SORCS3: variants seen among roughly 807,000 people sequenced by gnomAD.
The protein encoded by SORCS3 is sortilin related VPS10 domain containing receptor 3, also known as VPS10 domain-containing receptor SorCS3.
In SORCS3, 57 loss-of-function variants were observed where a neutral mutation model predicts 146.3. The observed-to-expected ratio is 0.39, with a 90% CI of 0.31 to 0.49. The LOEUF (loss-of-function observed/expected upper bound fraction) is 0.49. Among genes scored for constraint, SORCS3 ranks in the 20% least tolerant of loss-of-function variants. The pLI is 0.92. For synonymous variants in SORCS3, 653 were observed against 618.5 expected (o/e 1.06, Z -0.83); for missense variants, 1,341 against 1,575.5 (o/e 0.85, Z 2.52).
At chr10:104,892,777 T>C (rs1189543096) in intron 2 of SORCS3, among the ~76,000 whole-genome samples, 1 of 152,110 alleles carries the variant, frequency 6.6e-6, no homozygotes, top group East Asian at 1.9e-4. Context: ...ACTTAATACA[T>C]GTGAGTTCTT....
intron 4 of SORCS3, among the ~76,000 whole-genome samples, chr10:105,007,634 T>G (rs894767631): frequency 2.6e-5 from 4 of 151,930 alleles, no homozygotes; most frequent in Non-Finnish European, 5.9e-5. Context: ...TTGCAGACCG[T>G]TTTTTCTGAA....
At chr10:105,147,573 G>A (rs763019500) in intron 8 of SORCS3, 44 bp from the exon 9 acceptor site, 1 of 1,546,584 alleles carries the variant, frequency 6.5e-7, no homozygotes, top group Admixed American at 1.8e-5. Context: ...TGGGCAGAGA[G>A]ATATGGAGAT....
intron 5 of SORCS3, among the ~76,000 whole-genome samples, chr10:105,077,749 A>G (rs1395922200): frequency 6.6e-6 from 1 of 152,170 alleles, no homozygotes; most frequent in Non-Finnish European, 1.5e-5. Context: ...GGTCTCGTAA[A>G]CCAATCCTAA....
intron 14 of SORCS3, among the ~76,000 whole-genome samples, chr10:105,198,135 C>T (rs896594541): frequency 6.6e-6 from 1 of 152,178 alleles, no homozygotes. Flanking sequence ...ATGTGCTTCA[C>T]ATTTTCCTCT....
chr10:105,021,919 C>T (rs577775799), intron 4 of SORCS3, among the ~76,000 whole-genome samples: 8 of 152,152 alleles, frequency 5.3e-5, no homozygotes, highest in Non-Finnish European at 1.0e-4. Context: ...ACTTAAAATG[C>T]GTATTGCTAA....
intron 9 of SORCS3, among the ~76,000 whole-genome samples, chr10:105,156,065 C>T (rs1284834947): frequency 2.6e-5 from 4 of 152,176 alleles, no homozygotes; most frequent in African/African-American, 4.8e-5. Context: ...GCATTCTCTC[C>T]GAAGTGAGTA....
intron 5 of SORCS3, among the ~76,000 whole-genome samples, chr10:105,055,120 T>G (rs74157403): frequency 0.028 from 4,322 of 152,270 alleles, 198 homozygotes; most frequent in African/African-American, 0.097. Context: ...TAGTAAAGTT[T>G]TCTTCATATT....
At chr10:104,942,998 T>C (rs957142358) in intron 3 of SORCS3, among the ~76,000 whole-genome samples, 4 of 152,140 alleles carry the variant, frequency 2.6e-5, no homozygotes, top group Non-Finnish European at 5.9e-5. Context: ...GGAAAAGAAA[T>C]AACAACTGTG....
At chr10:104,931,489 C>T (rs61867347) in intron 3 of SORCS3, among the ~76,000 whole-genome samples, 1 of 151,936 alleles carries the variant, frequency 6.6e-6, no homozygotes, top group African/African-American at 2.4e-5. Context: ...TAAATAAGAC[C>T]TTTAAGGCTA....
chr10:105,204,158 T>C (rs945450977), intron 16 of SORCS3, among the ~76,000 whole-genome samples: 1 of 152,146 alleles, frequency 6.6e-6, no homozygotes, highest in African/African-American at 2.4e-5. Flanking sequence ...TCCAAGACGC[T>C]GTAATGTCAG....
chr10:104,734,365 G>C lies in SORCS3; in HGVS notation c.627+92411G>C, dbSNP rs2016744249. ...TAAGGGGGCCTGGAGCTCTAGAAGA[G>C]AGCAAAGGGCAGAGAAAGCAACAGC... On this transcript the variant is annotated intron_variant, in intron 1 of 26. Coordinates refer to ENST00000369701, the MANE Select transcript of SORCS3 (RefSeq NM_014978.3). Among the ~76,000 whole-genome samples, 4 of 152,218 alleles carry C rather than the reference G, an allele frequency of 2.6e-5. No individual in the cohort carries two copies. The South Asian group carries it at 8.3e-4, about 32-fold the overall frequency.
intron 2 of SORCS3, among the ~76,000 whole-genome samples, chr10:104,885,674 T>C (rs1490114163): frequency 6.6e-6 from 1 of 152,200 alleles, no homozygotes; most frequent in African/African-American, 2.4e-5. Flanking sequence ...ATCCTACTTA[T>C]GTGAATATGT....
chr10:104,791,856 A>G (rs1444326562), intron 1 of SORCS3, among the ~76,000 whole-genome samples: 2 of 152,140 alleles, frequency 1.3e-5, no homozygotes, highest in East Asian at 3.9e-4. Flanking sequence ...ATGAATGAAG[A>G]GGGTTCATTC....
At chr10:105,049,771 A>G (rs1289551832) in intron 5 of SORCS3, among the ~76,000 whole-genome samples, 1 of 152,148 alleles carries the variant, frequency 6.6e-6, no homozygotes, top group East Asian at 1.9e-4. Flanking sequence ...AACCTTGGAT[A>G]TGGACATAAA....
intron 1 of SORCS3, among the ~76,000 whole-genome samples, chr10:104,718,180 A>G (rs551853318): frequency 6.6e-6 from 1 of 152,082 alleles, no homozygotes; most frequent in East Asian, 1.9e-4. Flanking sequence ...ATAAATAAAT[A>G]AATAAGAGAA....
At chr10:105,214,403 A>C in intron 17 of SORCS3, 39 bp from the exon 18 acceptor site, 1 of 1,611,070 alleles carries the variant, frequency 6.2e-7, no homozygotes, top group Non-Finnish European at 8.5e-7. Flanking sequence ...ACAACAACAC[A>C]ATCAACACAA....
At chr10:105,130,273 G>T (rs1306275137) in intron 7 of SORCS3, among the ~76,000 whole-genome samples, 1 of 152,050 alleles carries the variant, frequency 6.6e-6, no homozygotes, top group Non-Finnish European at 1.5e-5. Flanking sequence ...CAAATAATGT[G>T]CTCTGTTACT....
chr10:104,793,145 G>A (rs1004362880), intron 1 of SORCS3, among the ~76,000 whole-genome samples: 2 of 152,130 alleles, frequency 1.3e-5, no homozygotes, highest in Admixed American at 6.5e-5. Context: ...CCCGATCTCA[G>A]AGGTGATTAT....
intron 6 of SORCS3, among the ~76,000 whole-genome samples, chr10:105,095,044 T>C (rs1280731030): frequency 6.6e-6 from 1 of 152,172 alleles, no homozygotes; most frequent in East Asian, 1.9e-4. Flanking sequence ...TTCCCCCAGC[T>C]GCAGTCTCAC....
Sources: allele counts gnomAD v4.1 joint callset (sites outside exome capture counted in the v4.1 genomes callset), GRCh38; gene constraint gnomAD v4.1.1; transcripts MANE v1.5; gene names NCBI Gene and HGNC (gene_info 2026-07-23, HGNC 2026-07-21).